The following CFAP44 variants were observed in gnomAD, a reference collection of about 807,000 sequenced individuals.
CFAP44 encodes cilia and flagella associated protein 44, also known as cilia- and flagella-associated protein 44.
A neutral mutation model predicts 216.2 loss-of-function variants in CFAP44; 134 were observed. The ratio of observed to expected loss-of-function variants is 0.62; its 90% CI spans 0.54 to 0.72. CFAP44 has a LOEUF of 0.72. CFAP44 is among the 30% of genes least tolerant of loss of function. CFAP44 has a pLI of 0.00. For synonymous variants in CFAP44, 700 were observed against 727.6 expected (o/e 0.96, Z 0.61); for missense variants, 2,035 against 2,182.1 (o/e 0.93, Z 1.34).
In CFAP44 at chr3:113,330,376, A is replaced by T. The variant is rs1323637584; in HGVS notation, c.3908T>A (p.Val1303Asp). ...GVEQTGSGGP[V>D]GGFLKLSSRK... ...AGAAGAGAGTTTGAGGAATCCTCCA[A>T]CTGGGCCTCCAGACCCTGTCTGTTC... The change falls in exon 26 of 35, where the codon GTT (valine) becomes GAT (aspartate). Residue 1303 changes from valine (V) to aspartate (D), a missense_variant. Around this residue, in one of 3 missense-constraint regions of CFAP44, gnomAD observed 1,883 missense variants for 2,023.7 expected, o/e 0.93. Coordinates refer to ENST00000393845, the MANE Select transcript of CFAP44 (RefSeq NM_001164496.2). 3 of 1,537,168 alleles carry T rather than the reference A, an allele frequency of 2.0e-6. 1 individual carries two copies. Among genetic ancestry groups the T allele is most frequent in the Non-Finnish European group, 1.7e-6 (2 of 1,146,904 alleles).
chr3:113,388,044 C>A (rs1284844506), intron 15 of CFAP44, among the ~76,000 whole-genome samples: 4 of 152,108 alleles, frequency 2.6e-5, no homozygotes, highest in African/African-American at 9.7e-5. Context: ...GAACACCAGG[C>A]AAATTCCTAA....
intron 22 of CFAP44, among the ~76,000 whole-genome samples, chr3:113,352,168 G>A (rs1950451404): frequency 6.6e-6 from 1 of 152,136 alleles, no homozygotes; most frequent in Admixed American, 6.6e-5. Flanking sequence ...AGCGCTCTGT[G>A]TCTAGCTAAA....
intron 28 of CFAP44, among the ~76,000 whole-genome samples, chr3:113,314,506 T>G (rs753293888): frequency 6.6e-6 from 1 of 152,172 alleles, no homozygotes; most frequent in African/African-American, 2.4e-5. Flanking sequence ...GTCACCAGCA[T>G]GCCTATCCTA....
chr3:113,408,208 G>C lies in CFAP44; in HGVS notation c.890+898C>G, dbSNP rs192204629. Among the ~76,000 whole-genome samples, 285 of 152,276 alleles carry C rather than the reference G, an allele frequency of 1.9e-3. 2 individuals carry two copies. The highest frequency in any genetic ancestry group is 5.6e-3 in the African/African-American group (232 of 41,556). ...ATCAAGTTATGGGAAGCTCTGGGGT[G>C]GTAGAAGATTGTTACGCAAATGCAT... On this transcript the variant is annotated intron_variant, in intron 7 of 34. Coordinates refer to ENST00000393845, the MANE Select transcript of CFAP44 (RefSeq NM_001164496.2).
At chr3:113,423,268 C>A (rs1370173657) in intron 4 of CFAP44, among the ~76,000 whole-genome samples, 1 of 151,920 alleles carries the variant, frequency 6.6e-6, no homozygotes, top group Non-Finnish European at 1.5e-5. Flanking sequence ...GTGTGCACCA[C>A]CACACCTGGC....
At chr3:113,427,089 T>C (rs564646679) in intron 3 of CFAP44, 98 bp downstream of exon 3, 1 of 1,305,398 alleles carries the variant, frequency 7.7e-7, no homozygotes, top group Non-Finnish European at 1.1e-6. Context: ...ATGTACATCC[T>C]GCACATTTTT....
intron 22 of CFAP44, among the ~76,000 whole-genome samples, chr3:113,354,484 G>A (rs946521556): frequency 6.6e-6 from 1 of 152,184 alleles, no homozygotes; most frequent in African/African-American, 2.4e-5. Context: ...TTAGGACTGT[G>A]GGTTGCATGG....
rs2096274544 is a variant in CFAP44, at chr3:113,409,178, T to C, written c.818A>G (p.Gln273Arg). 21 of 1,614,012 alleles carry C rather than the reference T, an allele frequency of 1.3e-5. No homozygotes were observed. The highest frequency in any genetic ancestry group is 2.2e-5 in the South Asian group (2 of 91,086). Residue 273 changes from glutamine (Q) to arginine (R), a missense_variant, in exon 7 of 35, where the codon CAG becomes CGG. Physicochemically the swap from Gln to Arg is conservative, Grantham distance 43. Transcript: ENST00000393845. ...QPILRTKAFS[Q>R]EVFKVTFNPD... Reference sequence around the variant, plus strand: ...ATTGAAAGTAACCTTAAAAACTTCCTGAGAAAAAGCTTTTGTCCTTAGTAT... The same window carrying C: ...ATTGAAAGTAACCTTAAAAACTTCCCGAGAAAAAGCTTTTGTCCTTAGTAT...
intron 28 of CFAP44, among the ~76,000 whole-genome samples, chr3:113,309,811 A>T (rs1472159042): frequency 3.9e-5 from 6 of 152,216 alleles, no homozygotes; most frequent in African/African-American, 1.4e-4. Flanking sequence ...ATATTCTTTT[A>T]GCCTCATCTA....
Position 113,327,669 on chromosome 3 carries a change from T to C in CFAP44, c.4267A>G (p.Asn1423Asp). Reference protein sequence around the residue: ...LLLKNFEKQENILQERVNSLD... With the variant: ...LLLKNFEKQEDILQERVNSLD... ...GAATTAACACGTTCTTGAAGTATGT[T>C]CTCCTGTTTTTCAAAATTCTTCAGG... Residue 1423 changes from asparagine to aspartate, a missense_variant, in exon 27 of 35, where the codon AAC becomes GAC. Transcript: ENST00000393845. The C allele has an allele frequency of 6.5e-7, 1 of 1,537,056 alleles. No homozygotes were observed. The highest frequency in any genetic ancestry group is 8.7e-7 in the Non-Finnish European group (1 of 1,146,736).
Position 113,291,562 on chromosome 3 carries a change from G to A in CFAP44, c.5560C>T (p.Leu1854Phe), listed in dbSNP as rs1282572569. Residue 1854 changes from leucine (L) to phenylalanine (F), a missense_variant, in exon 35 of 35, where the codon CTT becomes TTT. By Grantham distance (22) the Leu-to-Phe change is conservative. Coordinates refer to ENST00000393845, the MANE Select transcript of CFAP44 (RefSeq NM_001164496.2). ...GGTTTGAGAAAATAGCAAACTCAAA[G>A]GTCTGCGGGCTGTATCTCTTTCTCT... ...PREKEIQPAD[L>F] is the part of the protein sequence containing the mutation. 6.5e-7 allele frequency: 1 copy of A among 1,536,692 alleles called. No individual in the cohort carries two copies. Among genetic ancestry groups the A allele is most frequent in the South Asian group, 1.2e-5 (1 of 84,038 alleles).
At chr3:113,308,453 T>C (rs1233593381) in intron 28 of CFAP44, among the ~76,000 whole-genome samples, 185 bp from the exon 29 acceptor site, 1 of 152,196 alleles carries the variant, frequency 6.6e-6, no homozygotes, top group East Asian at 1.9e-4. Context: ...GCAGTTACTA[T>C]CAATGCAAGT....
chr3:113,437,930 C>T (rs1935274490), intron 1 of CFAP44, among the ~76,000 whole-genome samples: 2 of 152,070 alleles, frequency 1.3e-5, no homozygotes, highest in South Asian at 2.1e-4. Context: ...CCTCTTGATC[C>T]TTTAATATGT....
chr3:113,326,225 A>T (rs1384431340), intron 28 of CFAP44, among the ~76,000 whole-genome samples: 1 of 152,254 alleles, frequency 6.6e-6, no homozygotes, highest in African/African-American at 2.4e-5. Flanking sequence ...CCAGATACAC[A>T]TAAACATGTG....
chr3:113,381,966 T>C (rs997772588), intron 15 of CFAP44, among the ~76,000 whole-genome samples: 2 of 152,152 alleles, frequency 1.3e-5, no homozygotes, highest in Non-Finnish European at 2.9e-5. Context: ...TCAGAGAAAG[T>C]GGTATCTGAG....
At chr3:113,333,172 TGG>T (rs1394145021) in intron 25 of CFAP44, among the ~76,000 whole-genome samples, 1 of 152,210 alleles carries the variant, frequency 6.6e-6, no homozygotes, top group Non-Finnish European at 1.5e-5. Context: ...TATTTGCAGC[TGG>T]TTCTTCCATA....
chr3:113,387,968 A>G (rs1933693860), intron 15 of CFAP44, among the ~76,000 whole-genome samples: 1 of 152,060 alleles, frequency 6.6e-6, no homozygotes, highest in Non-Finnish European at 1.5e-5. Flanking sequence ...GCTTGTGGAA[A>G]AGGGAGGGAA....
Position 113,407,971 on chromosome 3 carries a change from G to A in CFAP44, c.891-930C>T, listed in dbSNP as rs371932454. Among the ~76,000 whole-genome samples the A allele has an allele frequency of 4.6e-5, 7 of 152,188 alleles. No individual in the cohort carries two copies. In the East Asian group the frequency reaches 1.2e-3, roughly 25 times the overall value. ...AAAGATATGGGGCATAGAAAATACA[G>A]ATTTTACTAAATAATCAGAAAATAT... On this transcript the variant is annotated intron_variant, in intron 7 of 34. Coordinates refer to ENST00000393845, the MANE Select transcript of CFAP44 (RefSeq NM_001164496.2).
chr3:113,317,688 G>A (rs562490908), intron 28 of CFAP44, among the ~76,000 whole-genome samples: 1 of 152,228 alleles, frequency 6.6e-6, no homozygotes, highest in African/African-American at 2.4e-5. Flanking sequence ...GCCAGCACTT[G>A]AGCTGGGGAG....
Sources: gnomAD v4.1 joint callset for allele counts (sites outside exome capture counted in the v4.1 genomes callset) on GRCh38, gnomAD v4.1.1 for gene constraint, gnomAD v4.1.1 regional missense constraint, MANE v1.5 for transcripts, NCBI Gene and HGNC (gene_info 2026-07-23, HGNC 2026-07-21) for gene names.